The following ADK variants were observed in gnomAD, a reference collection of about 807,000 sequenced individuals.
ADK encodes N6,N6-dimethyladenosine kinase.
A neutral mutation model predicts 44.7 loss-of-function variants in ADK; 24 were observed. That is an observed-to-expected ratio of 0.54 (90% CI 0.39 to 0.76). The LOEUF (loss-of-function observed/expected upper bound fraction) is 0.76, where lower values mean the gene tolerates loss of function less well. Among genes scored for constraint, ADK ranks in the 30% least tolerant of loss-of-function variants. The pLI, the probability that ADK is intolerant of heterozygous loss-of-function variation, is 0.00. For synonymous variants in ADK, 128 were observed against 142.6 expected (o/e 0.90, Z 0.73); for missense variants, 321 against 425.1 (o/e 0.76, Z 2.15).
chr10:74,440,871 G>A (rs2133132733), intron 6 of ADK, among the ~76,000 whole-genome samples: 1 of 152,268 alleles, frequency 6.6e-6, no homozygotes, highest in South Asian at 2.1e-4. Flanking sequence ...CATTCATTGA[G>A]GCTGCCTACT....
intron 3 of ADK, among the ~76,000 whole-genome samples, chr10:74,298,407 T>C (rs1839889656): frequency 6.6e-6 from 1 of 152,100 alleles, no homozygotes. Flanking sequence ...AGAAAAAAAT[T>C]ACATTTTTAA....
chr10:74,347,212 G>A (rs942937062), intron 4 of ADK, among the ~76,000 whole-genome samples: 2 of 149,050 alleles, frequency 1.3e-5, no homozygotes, highest in Non-Finnish European at 3.0e-5. Context: ...GGTGATTTCT[G>A]CATTTCCAAC....
chr10:74,595,021 C>T (rs1368403076), intron 8 of ADK, among the ~76,000 whole-genome samples: 1 of 151,604 alleles, frequency 6.6e-6, no homozygotes. Flanking sequence ...CCTTAAAATA[C>T]AAAAAAATAG....
At chr10:74,558,592 T>A (rs2133808696) in intron 7 of ADK, among the ~76,000 whole-genome samples, 1 of 152,312 alleles carries the variant, frequency 6.6e-6, no homozygotes, top group South Asian at 2.1e-4. Flanking sequence ...TGATTATAAG[T>A]TTCCTGAGGC....
intron 3 of ADK, among the ~76,000 whole-genome samples, chr10:74,296,755 G>T (rs1839832523): frequency 1.3e-5 from 2 of 151,836 alleles, no homozygotes; most frequent in Non-Finnish European, 2.9e-5. Flanking sequence ...GGGACTAGAG[G>T]CTCCCGTCAC....
intron 1 of ADK, among the ~76,000 whole-genome samples, chr10:74,162,521 T>TTGTGTG (rs10550667): frequency 0.026 from 3,658 of 141,946 alleles, 144 homozygotes; most frequent in African/African-American, 0.088. Flanking sequence ...TGCATTTCTT[T>TTGTGTG]TGTGTGTGTG....
chr10:74,577,604 A>G (rs1352377907), intron 7 of ADK, among the ~76,000 whole-genome samples: 1 of 152,010 alleles, frequency 6.6e-6, no homozygotes, highest in East Asian at 1.9e-4. Flanking sequence ...AGGAAAGTAG[A>G]TGCTGCTCTG....
chr10:74,240,602 C>T (rs1845173907), intron 3 of ADK, among the ~76,000 whole-genome samples: 1 of 152,108 alleles, frequency 6.6e-6, no homozygotes, highest in South Asian at 2.1e-4. Context: ...GAGGTAGAAA[C>T]TGTCATTTAT....
At chr10:74,311,167 G>T (rs1840421118) in intron 3 of ADK, among the ~76,000 whole-genome samples, 1 of 151,724 alleles carries the variant, frequency 6.6e-6, no homozygotes, top group South Asian at 2.1e-4. Flanking sequence ...ATGTATATTG[G>T]GTAATTTTGT....
chr10:74,393,517 A>G (rs1451145359), intron 4 of ADK, among the ~76,000 whole-genome samples: 1 of 152,216 alleles, frequency 6.6e-6, no homozygotes, highest in Non-Finnish European at 1.5e-5. Context: ...AGCTTAATTT[A>G]TATATGAATT....
intron 7 of ADK, among the ~76,000 whole-genome samples, chr10:74,539,469 C>G (rs1179953603): frequency 6.6e-6 from 1 of 152,136 alleles, no homozygotes; most frequent in African/African-American, 2.4e-5. Context: ...GGAAATGGGG[C>G]TGTATCTAAA....
chr10:74,667,766 C>T (rs1452246567), intron 9 of ADK, among the ~76,000 whole-genome samples: 5 of 151,892 alleles, frequency 3.3e-5, no homozygotes, highest in African/African-American at 1.2e-4. Flanking sequence ...AACTCCTGAC[C>T]TCGTGATCTG....
chr10:74,193,116 A>T (rs961163698), intron 1 of ADK, among the ~76,000 whole-genome samples: 5 of 152,070 alleles, frequency 3.3e-5, no homozygotes, highest in Non-Finnish European at 7.4e-5. Flanking sequence ...ACCTATTTTC[A>T]TGAAATCCCT....
At chr10:74,672,856 C>A (rs1855239357) in intron 10 of ADK, among the ~76,000 whole-genome samples, 1 of 152,036 alleles carries the variant, frequency 6.6e-6, no homozygotes, top group Admixed American at 6.6e-5. Flanking sequence ...ATGAAAAAAA[C>A]AGAGACAAAG....
At chr10:74,618,541 G>C (rs971483868) in intron 9 of ADK, among the ~76,000 whole-genome samples, 1 of 152,006 alleles carries the variant, frequency 6.6e-6, no homozygotes, top group South Asian at 2.1e-4. Flanking sequence ...CGCCCGCCTC[G>C]GCCTCCCAAA....
chr10:74,176,511 C>A lies in ADK; in HGVS notation c.66-24253C>A, dbSNP rs1842343439. ...GCGCGGCCATTTTTGGGGCGGGCACCCAATCTCTCGCCCTGTAAACTGCGG... is the reference window on the plus strand; with the variant it reads ...GCGCGGCCATTTTTGGGGCGGGCACACAATCTCTCGCCCTGTAAACTGCGG... On this transcript the variant is annotated intron_variant, in intron 1 of 10. Transcript: ENST00000539909. The A allele has an allele frequency of 2.5e-6, 3 of 1,199,110 alleles. No homozygotes were observed. The Admixed American group carries it at 1.2e-4, about 48-fold the overall frequency. 74.3% of individuals were successfully genotyped at this position (1,199,110 alleles called of 1,614,324 possible). A position where few individuals can be genotyped will look rare whatever the true frequency, so the allele number is the denominator to read the frequency against.
chr10:74,550,084 T>C (rs1322690493), intron 7 of ADK, among the ~76,000 whole-genome samples: 1 of 151,724 alleles, frequency 6.6e-6, no homozygotes, highest in Admixed American at 6.6e-5. Flanking sequence ...TTTTTTTTTT[T>C]TTTTGAGATG....
At chr10:74,410,698 A>G (rs975597704) in intron 6 of ADK, among the ~76,000 whole-genome samples, 1 of 152,166 alleles carries the variant, frequency 6.6e-6, no homozygotes, top group Non-Finnish European at 1.5e-5. Context: ...ACAAACAAAC[A>G]AACAAAAACT....
chr10:74,169,138 G>A (rs1018966385), intron 1 of ADK, among the ~76,000 whole-genome samples: 1 of 152,002 alleles, frequency 6.6e-6, no homozygotes, highest in Non-Finnish European at 1.5e-5. Flanking sequence ...AGGATTGCTC[G>A]AGCCTGGGAG....
Sources: gnomAD v4.1 joint callset for allele counts (sites outside exome capture counted in the v4.1 genomes callset) on GRCh38, gnomAD v4.1.1 for gene constraint, MANE v1.5 for transcripts, NCBI Gene and HGNC (gene_info 2026-07-23, HGNC 2026-07-21) for gene names.